Variants in WDFY4 observed in about 807,000 individuals in gnomAD.
WDFY4 encodes the protein WDFY family member 4.
Under a neutral mutation model 351.9 loss-of-function variants are expected in WDFY4, and 169 were observed. That is an observed-to-expected ratio of 0.48 (90% CI 0.42 to 0.55). The LOEUF is 0.55. Among genes scored for constraint, WDFY4 ranks in the 20% least tolerant of loss-of-function variants. The pLI, the probability that WDFY4 is intolerant of heterozygous loss-of-function variation, is 0.00. For synonymous variants in WDFY4, 1,622 were observed against 1,574.6 expected, an observed-to-expected ratio of 1.03 and a Z score of -0.71; for missense variants, 3,803 against 3,935.6, an observed-to-expected ratio of 0.97 and a Z score of 0.90.
In WDFY4 at chr10:48,959,698, T is replaced by C. The variant is rs1463256531; in HGVS notation, c.8132-24T>C. 8 of 1,550,104 alleles carry C rather than the reference T, an allele frequency of 5.2e-6. No individual in the cohort carries two copies. The East Asian group carries it at 1.5e-4, about 28-fold the overall frequency. On this transcript the variant is annotated intron_variant, in intron 52 of 61. Transcript: ENST00000325239. ...TAGCCTGATTTGAGTTACCCAAATC[T>C]CTGCTGCTTCTCATCCCATGCAGGC...
In WDFY4 at chr10:48,873,602, C is replaced by T; in HGVS notation, c.6853C>T (p.Pro2285Ser). The T allele has an allele frequency of 6.4e-7, 1 of 1,551,770 alleles. No individual in the cohort carries two copies. The highest frequency in any genetic ancestry group is 1.2e-5 in the South Asian group (1 of 84,064). ...GGGGGAAGAAACCAAGCCCTGTTCC[C>T]CATGGGAACTCGACTGGAGAGAAGG... ...SQGEETKPCS[P>S]WELDWREGPA... Residue 2285 changes from proline (P) to serine (S), a missense_variant, in exon 41 of 62, where the codon CCA (proline) becomes TCA (serine). Physicochemically the swap from Pro to Ser is moderately conservative, Grantham distance 74. This residue lies in a region of WDFY4 where 3,054 missense variants were observed against 3,148.6 expected (regional missense o/e 0.97). Coordinates refer to ENST00000325239, the MANE Select transcript of WDFY4 (RefSeq NM_001394531.1).
chr10:48,922,108 C>T (rs539522069), intron 47 of WDFY4, among the ~76,000 whole-genome samples: 2 of 152,150 alleles, frequency 1.3e-5, no homozygotes, highest in South Asian at 4.2e-4. Context: ...TACAGTAGTC[C>T]CCCTTATCTG....
intron 12 of WDFY4, among the ~76,000 whole-genome samples, chr10:48,749,051 A>C (rs149839893): frequency 1.3e-5 from 2 of 152,172 alleles, no homozygotes; most frequent in Admixed American, 6.5e-5. Flanking sequence ...TAGTATCTAC[A>C]TTGAGGGAAG....
At chr10:48,955,521 C>T (rs942086852) in intron 51 of WDFY4, among the ~76,000 whole-genome samples, 3 of 152,228 alleles carry the variant, frequency 2.0e-5, no homozygotes, top group African/African-American at 7.2e-5. Flanking sequence ...TCCAGGGATT[C>T]CCCAGGAATC....
chr10:48,787,918 C>T (rs1337088706), intron 20 of WDFY4, among the ~76,000 whole-genome samples: 4 of 62,848 alleles, frequency 6.4e-5, no homozygotes, highest in African/African-American at 2.3e-4. Flanking sequence ...TCTTCTTCTT[C>T]TTCTTCTTCT....
At chr10:48,982,189 G>T (rs1349846459) in intron 61 of WDFY4, among the ~76,000 whole-genome samples, 1 of 152,230 alleles carries the variant, frequency 6.6e-6, no homozygotes, top group Admixed American at 6.5e-5. Context: ...GTTCTGCCCT[G>T]GTCCTGGCTA....
chr10:48,687,778 C>T (rs1324932040), intron 1 of WDFY4, among the ~76,000 whole-genome samples: 27 of 137,656 alleles, frequency 2.0e-4, no homozygotes, highest in Middle Eastern at 3.8e-3. Flanking sequence ...CCACACCTGG[C>T]TAATTTTTTT....
intron 39 of WDFY4, among the ~76,000 whole-genome samples, chr10:48,862,568 C>G (rs867650929): frequency 6.6e-6 from 1 of 152,154 alleles, no homozygotes; most frequent in African/African-American, 2.4e-5. Flanking sequence ...AGAAACAGCT[C>G]AAGGTTGTTC....
chr10:48,760,234 A>G, intron 12 of WDFY4, 113 bp from the exon 13 acceptor site: 1 of 936,100 alleles, frequency 1.1e-6, no homozygotes, highest in Non-Finnish European at 1.6e-6. Context: ...CTAGGTAATA[A>G]GACAGGATGT....
intron 1 of WDFY4, among the ~76,000 whole-genome samples, chr10:48,697,490 G>A (rs1589405126): frequency 6.6e-6 from 1 of 152,226 alleles, no homozygotes; most frequent in South Asian, 2.1e-4. Flanking sequence ...CTGGTGAGTG[G>A]CCTGGGTGGG....
chr10:48,916,909 G>GTA (rs1838599536), intron 47 of WDFY4, among the ~76,000 whole-genome samples: 1 of 140,198 alleles, frequency 7.1e-6, no homozygotes, highest in African/African-American at 2.7e-5. Context: ...GTGTGTGTGT[G>GTA]TACAACCATG....
At chr10:48,793,447 T>C (rs1251415697) in intron 23 of WDFY4, among the ~76,000 whole-genome samples, 1 of 152,212 alleles carries the variant, frequency 6.6e-6, no homozygotes, top group Non-Finnish European at 1.5e-5. Flanking sequence ...AGGTGGTAAA[T>C]GGCAGGTTTG....
At chr10:48,720,263 G>C in intron 3 of WDFY4, 138 bp downstream of exon 3, 2 of 843,186 alleles carry the variant, frequency 2.4e-6, no homozygotes, top group Non-Finnish European at 3.6e-6. Flanking sequence ...GCCCCACTCT[G>C]CCACTGAGTG....
At chr10:48,921,499 A>C (rs1475491388) in intron 47 of WDFY4, among the ~76,000 whole-genome samples, 1 of 152,226 alleles carries the variant, frequency 6.6e-6, no homozygotes, top group Non-Finnish European at 1.5e-5. Context: ...AGACTATAAA[A>C]CTTTGAAAAG....
At chr10:48,830,336 A>T (rs2068147446) in intron 37 of WDFY4, among the ~76,000 whole-genome samples, 1 of 152,106 alleles carries the variant, frequency 6.6e-6, no homozygotes, top group Non-Finnish European at 1.5e-5. Flanking sequence ...GAGCTATTTG[A>T]CTACCCTGAG....
chr10:48,942,686 G>T (rs1305629975), intron 48 of WDFY4, among the ~76,000 whole-genome samples: 1 of 152,222 alleles, frequency 6.6e-6, no homozygotes, highest in African/African-American at 2.4e-5. Flanking sequence ...GGCAGGTTGA[G>T]GAAAGGAGAG....
intron 5 of WDFY4, among the ~76,000 whole-genome samples, chr10:48,725,329 T>C (rs2064231688): frequency 6.6e-6 from 1 of 152,166 alleles, no homozygotes; most frequent in Non-Finnish European, 1.5e-5. Flanking sequence ...TGCTAGTCCA[T>C]GCAGGATGCT....
At chr10:48,938,532 G>T (rs1342874803) in intron 47 of WDFY4, among the ~76,000 whole-genome samples, 1 of 152,228 alleles carries the variant, frequency 6.6e-6, no homozygotes, top group Non-Finnish European at 1.5e-5. Context: ...CTTCCTCTCT[G>T]CCACCTGCTC....
At chr10:48,870,804 A>C (rs1209492986) in intron 40 of WDFY4, among the ~76,000 whole-genome samples, 1 of 152,186 alleles carries the variant, frequency 6.6e-6, no homozygotes, top group Admixed American at 6.5e-5. Flanking sequence ...CATGGACTAA[A>C]TAATCACATC....
Sources: gnomAD v4.1 joint callset for allele counts (sites outside exome capture counted in the v4.1 genomes callset) on GRCh38, gnomAD v4.1.1 for gene constraint, gnomAD v4.1.1 regional missense constraint, MANE v1.5 for transcripts, NCBI Gene and HGNC (gene_info 2026-07-23, HGNC 2026-07-21) for gene names.